Variants in SLC19A1 observed in about 807,000 individuals in gnomAD.
The protein encoded by SLC19A1 is solute carrier family 19 member 1.
A neutral mutation model predicts 35.3 loss-of-function variants in SLC19A1; 37 were observed. The ratio of observed to expected loss-of-function variants is 1.05; its 90% CI spans 0.81 to 1.38. SLC19A1 has a LOEUF of 1.38. Ranked by LOEUF, SLC19A1 falls within the 40% of genes most tolerant of loss-of-function variation. The pLI is 0.00. For missense variants in SLC19A1, 831 were observed against 826.9 expected, an observed-to-expected ratio of 1.00 and a Z score of -0.06; for synonymous variants, 460 against 398.5, an observed-to-expected ratio of 1.15 and a Z score of -1.84.
At chr21:45,550,238 C>G (rs1406792877) in intron 1 of SLC19A1, among the ~76,000 whole-genome samples, 1 of 152,132 alleles carries the variant, frequency 6.6e-6, no homozygotes, top group East Asian at 1.9e-4. Context: ...GTGTTTCCCT[C>G]CTGGGGAGGC....
intron 1 of SLC19A1, among the ~76,000 whole-genome samples, chr21:45,553,676 A>C (rs866406840): frequency 7.4e-4 from 2 of 2,710 alleles, no homozygotes; most frequent in Non-Finnish European, 6.0e-4. Flanking sequence ...AGTCCCCCAC[A>C]CCCCATCCCA....
At chr21:45,502,839 G>T (rs891325412) in intron 3 of SLC19A1, 3 of 152,158 alleles carry the variant, frequency 2.0e-5, no homozygotes, top group African/African-American at 7.2e-5. Flanking sequence ...AAAGAAGCGC[G>T]TTGCTCTTTT....
At chr21:45,529,595 G>A (rs928223985) in intron 4 of SLC19A1, among the ~76,000 whole-genome samples, 1 of 117,234 alleles carries the variant, frequency 8.5e-6, no homozygotes, top group Non-Finnish European at 1.7e-5. Flanking sequence ...GTGTCTCCAT[G>A]TGTGAGCGTG....
intron 1 of SLC19A1, among the ~76,000 whole-genome samples, chr21:45,556,831 C>T (rs1203653157): frequency 2.0e-5 from 3 of 152,214 alleles, no homozygotes; most frequent in Non-Finnish European, 4.4e-5. Context: ...GCATGGGAGT[C>T]CTGTGGCCGG....
rs1286720956 is a variant in SLC19A1 at position 45,513,796 on chromosome 21, T to G, written c.*1862A>C. The G allele has an allele frequency of 6.6e-6, 1 of 152,254 alleles. No individual in the cohort carries two copies. Among genetic ancestry groups the G allele is most frequent in the Non-Finnish European group, 1.5e-5 (1 of 68,046 alleles). 9.4% of individuals were successfully genotyped at this position (152,254 alleles called of 1,614,324 possible). ...AAAAGGAGTTCTCAGGAGTCTTTTA[T>G]CCCTGGACTGCCCCACTGGCAGATC... On this transcript the variant is annotated 3_prime_UTR_variant, in exon 6 of 6. Transcript: ENST00000311124.
chr21:45,503,077 T>C (rs1396866166), intron 3 of SLC19A1: 1 of 152,200 alleles, frequency 6.6e-6, no homozygotes, highest in Non-Finnish European at 1.5e-5. Context: ...GTCCTTTGTG[T>C]ATATACCCAG....
downstream of SLC19A1, among the ~76,000 whole-genome samples, chr21:45,508,619 A>C (rs2037393057): frequency 6.6e-6 from 1 of 152,170 alleles, no homozygotes; most frequent in African/African-American, 2.4e-5. Context: ...ATGATTCCTT[A>C]ATTGGCTCAG....
At chr21:45,560,802 C>G (rs1402170310) in intron 1 of SLC19A1, among the ~76,000 whole-genome samples, 2 of 152,240 alleles carry the variant, frequency 1.3e-5, no homozygotes, top group African/African-American at 4.8e-5. Context: ...AAGAGCAGCA[C>G]CCAGGCTTGG....
rs898609278 is a variant in SLC19A1, at chr21:45,540,979, A to G, written c.-50+1389T>C. Among the ~76,000 whole-genome samples, 1 of 152,178 alleles carries G rather than the reference A, an allele frequency of 6.6e-6. No homozygotes were observed. Among genetic ancestry groups the G allele is most frequent in the African/African-American group, 2.4e-5 (1 of 41,442 alleles). ...AAACCAGCTCCTACTCTGGAAGGCT[A>G]ACCAAGAATGTTCGTTATGTTTTTT... On this transcript the variant is annotated intron_variant, in intron 1 of 5. Coordinates refer to ENST00000311124, the MANE Select transcript of SLC19A1 (RefSeq NM_194255.4). This position sits in a 1 kb window ranked among gnomAD's most constrained non-coding sequence, Gnocchi z 5.5.
chr21:45,512,298 C>T (rs61735035), downstream of SLC19A1: 409 of 1,612,272 alleles, frequency 2.5e-4, no homozygotes, highest in African/African-American at 4.6e-3. Flanking sequence ...CAGGCCTCCT[C>T]GCTGCTGGGG....
intron 1 of SLC19A1, among the ~76,000 whole-genome samples, chr21:45,559,735 T>C (rs1205715998): frequency 1.3e-5 from 2 of 152,156 alleles, no homozygotes; most frequent in African/African-American, 2.4e-5. Context: ...TGTTCCTTAT[T>C]AACAGCAGTG....
intron 5 of SLC19A1, among the ~76,000 whole-genome samples, chr21:45,521,034 AC>A (rs201254807): frequency 1.5e-4 from 22 of 146,844 alleles, no homozygotes; most frequent in East Asian, 4.0e-4. Context: ...AAAAAAAAAA[AC>A]AAACGAAAAA....
intron 1 of SLC19A1, among the ~76,000 whole-genome samples, chr21:45,558,421 C>T (rs2078584364): frequency 6.6e-6 from 1 of 152,254 alleles, no homozygotes. Flanking sequence ...TGCAGTGAGA[C>T]CCCCTGAGAA....
At chr21:45,555,693 C>T (rs1189363764) in intron 1 of SLC19A1, among the ~76,000 whole-genome samples, 1 of 151,992 alleles carries the variant, frequency 6.6e-6, no homozygotes, top group African/African-American at 2.4e-5. Context: ...TGGCCTAGGC[C>T]CTGGGACCGT....
chr21:45,503,743 A>C (rs1459761175), intron 3 of SLC19A1, among the ~76,000 whole-genome samples: 1 of 152,080 alleles, frequency 6.6e-6, no homozygotes, highest in Non-Finnish European at 1.5e-5. Flanking sequence ...ATATGTAACT[A>C]ACCTGCACAT....
intron 3 of SLC19A1, chr21:45,505,505 G>C (rs1003050167): frequency 7.4e-6 from 6 of 809,586 alleles, no homozygotes; most frequent in African/African-American, 1.7e-5. Flanking sequence ...GCCCCTCAGA[G>C]ACACTCTCCC....
Position 45,534,856 on chromosome 21 carries a change from T to G in SLC19A1, c.190-2708A>C. On this transcript the variant is annotated intron_variant, in intron 2 of 5. Transcript: ENST00000311124. The surrounding 1 kb of genome is among the most constrained non-coding windows in gnomAD (Gnocchi z 4.2). ...GGCATCTGTCAGGCGGCCACGACTC[T>G]GACACGAGGACAGCCTCCTGCTGCC... is the stretch of plus-strand genomic sequence containing the variant. 4 of 561,458 alleles carry G rather than the reference T, an allele frequency of 7.1e-6. No individual in the cohort carries two copies. Among genetic ancestry groups the G allele is most frequent in the Non-Finnish European group, 9.6e-6 (3 of 313,464 alleles). 34.8% of individuals were successfully genotyped at this position (561,458 alleles called of 1,614,324 possible).
intron 4 of SLC19A1, among the ~76,000 whole-genome samples, chr21:45,527,061 C>T (rs2077645830): frequency 6.6e-6 from 1 of 152,284 alleles, no homozygotes; most frequent in African/African-American, 2.4e-5. Context: ...GAATGAAAGT[C>T]TTTCACGGTT....
rs982309296 is a variant in SLC19A1 at position 45,533,543 on chromosome 21, G to A, written c.190-1395C>T. On this transcript the variant is annotated intron_variant, in intron 2 of 5. Coordinates refer to ENST00000311124, the MANE Select transcript of SLC19A1 (RefSeq NM_194255.4). This position sits in a 1 kb window ranked among gnomAD's most constrained non-coding sequence, Gnocchi z 4.5. The stretch of plus-strand genomic sequence containing the variant: ...TTGGAGCCTCCCCTGGGGCCCAGGT[G>A]CATTTTCAGCAGGTGGCCCCGCCCA... 1.3e-5 allele frequency among the ~76,000 whole-genome samples: 2 copies of A among 151,922 alleles called. No individual in the cohort carries two copies. The highest frequency in any genetic ancestry group is 2.4e-5 in the African/African-American group (1 of 41,344).
Sources: allele counts gnomAD v4.1 joint callset (sites outside exome capture counted in the v4.1 genomes callset), GRCh38; gene constraint gnomAD v4.1.1; non-coding constraint Gnocchi (gnomAD v3.1); transcripts MANE v1.5; gene names NCBI Gene and HGNC (gene_info 2026-07-23, HGNC 2026-07-21).